The following DLG2 variants were observed in gnomAD, a reference collection of about 807,000 sequenced individuals.
The protein encoded by DLG2 is discs large MAGUK scaffold protein 2.
A neutral mutation model predicts 132.5 loss-of-function variants in DLG2; 45 were observed. That is an observed-to-expected ratio of 0.34 (90% confidence interval 0.27 to 0.44). The LOEUF (loss-of-function observed/expected upper bound fraction) is 0.44, where lower values mean the gene tolerates loss of function less well. DLG2 is among the 20% of genes least tolerant of loss of function. DLG2 has a pLI of 1.00. For missense variants in DLG2, 1,045 were observed against 1,196.9 expected, an observed-to-expected ratio of 0.87 and a Z score of 1.87; for synonymous variants, 424 against 419.6, an observed-to-expected ratio of 1.01 and a Z score of -0.13.
intron 6 of DLG2, among the ~76,000 whole-genome samples, chr11:84,783,330 G>C (rs906211971): frequency 1.3e-5 from 2 of 151,668 alleles, no homozygotes; most frequent in Non-Finnish European, 2.9e-5. Context: ...CAATTTCTAA[G>C]ATCCCTTTCA....
intron 16 of DLG2, among the ~76,000 whole-genome samples, chr11:83,865,016 T>G (rs530626901): frequency 2.0e-4 from 30 of 152,236 alleles, no homozygotes; most frequent in Admixed American, 4.6e-4. Flanking sequence ...CAAGGTCAAA[T>G]TTATTGTCCC....
In DLG2 at chr11:83,831,278, A is replaced by C. The variant is rs1379938126; in HGVS notation, c.1722+2336T>G. Among the ~76,000 whole-genome samples the C allele has an allele frequency of 2.0e-5, 3 of 152,164 alleles. No individual in the cohort carries two copies. In the East Asian group the frequency reaches 5.8e-4, roughly 29 times the overall value. ...AAAGTATTGAAGAAGTAGGTAAGGGAAGTAGTTTAAGGAATGATGCTCAGC... is the reference window on the plus strand; with the variant it reads ...AAAGTATTGAAGAAGTAGGTAAGGGCAGTAGTTTAAGGAATGATGCTCAGC... On this transcript the variant is annotated intron_variant, in intron 17 of 27. Transcript: ENST00000376104.
At chr11:84,321,804 G>T (rs1392834017) in intron 7 of DLG2, among the ~76,000 whole-genome samples, 1 of 152,150 alleles carries the variant, frequency 6.6e-6, no homozygotes, top group African/African-American at 2.4e-5. Context: ...CTTTTACTCA[G>T]AAATTCTGGT....
intron 3 of DLG2, among the ~76,000 whole-genome samples, chr11:85,346,619 T>C (rs185148797): frequency 3.3e-5 from 5 of 152,274 alleles, no homozygotes; most frequent in Admixed American, 2.0e-4. Flanking sequence ...TAAGCACTAT[T>C]AATTTGTTCC....
intron 14 of DLG2, among the ~76,000 whole-genome samples, chr11:83,955,092 G>C (rs1426717589): frequency 6.6e-6 from 1 of 152,146 alleles, no homozygotes; most frequent in African/African-American, 2.4e-5. Context: ...TTTTTCAATA[G>C]TATTAATAAC....
At chr11:84,281,371 A>ATACT (rs570355792) in intron 7 of DLG2, among the ~76,000 whole-genome samples, 10 of 152,212 alleles carry the variant, frequency 6.6e-5, no homozygotes, top group Non-Finnish European at 1.2e-4. Flanking sequence ...ATGAAAAGAG[A>ATACT]TACTTACAAA....
At chr11:84,895,225 G>A (rs556332678) in intron 6 of DLG2, among the ~76,000 whole-genome samples, 1 of 152,010 alleles carries the variant, frequency 6.6e-6, no homozygotes, top group Admixed American at 6.6e-5. Flanking sequence ...TTTAAATAAG[G>A]TTGTAAAAAA....
Position 83,745,459 on chromosome 11 carries a change from C to T in DLG2, c.1825+41231G>A, listed in dbSNP as rs188341295. 3.2e-3 allele frequency among the ~76,000 whole-genome samples: 485 copies of T among 152,244 alleles called. 3 individuals carry two copies. Among genetic ancestry groups the T allele is most frequent in the Middle Eastern group, 0.017 (5 of 294 alleles). The stretch of plus-strand genomic sequence containing the variant: ...TACTCTTTCATTTTATCTCCAACTT[C>T]TTCCTCTGTCCTAGCTCCTTCCCCT... On this transcript the variant is annotated intron_variant, in intron 18 of 27. Transcript: ENST00000376104.
At chr11:85,104,801 A>T (rs1347073651) in intron 6 of DLG2, among the ~76,000 whole-genome samples, 1 of 149,376 alleles carries the variant, frequency 6.7e-6, no homozygotes, top group Non-Finnish European at 1.5e-5. Context: ...AAAAAATCCC[A>T]AACACTCATA....
At chr11:85,294,812 A>T (rs1048649056) in intron 3 of DLG2, among the ~76,000 whole-genome samples, 2 of 152,158 alleles carry the variant, frequency 1.3e-5, no homozygotes, top group African/African-American at 4.8e-5. Flanking sequence ...ATACTTGACA[A>T]GGAGGCAGAA....
At chr11:85,227,831 T>C (rs548549105) in intron 4 of DLG2, among the ~76,000 whole-genome samples, 1 of 152,102 alleles carries the variant, frequency 6.6e-6, no homozygotes, top group African/African-American at 2.4e-5. Context: ...ATTCATCCTC[T>C]AGCCACACTC....
intron 18 of DLG2, among the ~76,000 whole-genome samples, chr11:83,683,216 A>G (rs1420223408): frequency 6.6e-6 from 1 of 152,206 alleles, no homozygotes; most frequent in Non-Finnish European, 1.5e-5. Flanking sequence ...TATTGAACAC[A>G]TTTTAGGTGC....
chr11:85,537,509 G>GCTGCATAAAACTTTGATTAA (rs1565653470), intron 3 of DLG2, among the ~76,000 whole-genome samples: 115 of 151,234 alleles, frequency 7.6e-4, no homozygotes, highest in African/African-American at 2.5e-3. Flanking sequence ...AGACAGGAGG[G>GCTGCATAAAACTTTGATTAA]ATGAACAACT....
chr11:85,349,139 A>G (rs1565360221), intron 3 of DLG2, among the ~76,000 whole-genome samples: 1 of 152,180 alleles, frequency 6.6e-6, no homozygotes, highest in Admixed American at 6.5e-5. Flanking sequence ...CAGCATTAAC[A>G]TTAAAACAGA....
intron 6 of DLG2, among the ~76,000 whole-genome samples, chr11:85,004,881 C>T (rs781630265): frequency 5.3e-5 from 8 of 152,190 alleles, no homozygotes; most frequent in Middle Eastern, 3.4e-3. Flanking sequence ...AGTCTTTGAT[C>T]CATCTTGAGC....
intron 3 of DLG2, among the ~76,000 whole-genome samples, chr11:85,487,939 TGCTGTGGG>T (rs2093467379): frequency 2.0e-5 from 3 of 152,344 alleles, no homozygotes; most frequent in African/African-American, 7.2e-5. Flanking sequence ...AATTCCCATG[TGCTGTGGG>T]AGGGACCCAG....
intron 3 of DLG2, among the ~76,000 whole-genome samples, chr11:85,586,963 A>G (rs2079011684): frequency 6.6e-6 from 1 of 152,186 alleles, no homozygotes; most frequent in African/African-American, 2.4e-5. Context: ...CCTAAAGATC[A>G]TTCAGGGGCA....
intron 7 of DLG2, among the ~76,000 whole-genome samples, chr11:84,376,465 T>C (rs1480567108): frequency 1.3e-5 from 2 of 151,738 alleles, no homozygotes; most frequent in Non-Finnish European, 2.9e-5. Context: ...TAGACTAGGG[T>C]TTAAAGGACT....
intron 18 of DLG2, among the ~76,000 whole-genome samples, chr11:83,783,383 T>C (rs185444935): frequency 1.3e-5 from 2 of 152,346 alleles, no homozygotes; most frequent in Admixed American, 1.3e-4. Flanking sequence ...TATAAATTAT[T>C]TATAATTATC....
Sources: gnomAD v4.1 joint callset for allele counts (sites outside exome capture counted in the v4.1 genomes callset) on GRCh38, gnomAD v4.1.1 for gene constraint, MANE v1.5 for transcripts, NCBI Gene and HGNC (gene_info 2026-07-23, HGNC 2026-07-21) for gene names.